Variants in DHX57 observed in about 807,000 individuals in gnomAD.
DHX57 encodes DExH-box helicase 57, also known as putative ATP-dependent RNA helicase DHX57.
In DHX57, 105 loss-of-function variants were observed where a neutral mutation model predicts 156.2. That is an observed-to-expected ratio of 0.67 (90% CI 0.57 to 0.79). The LOEUF (loss-of-function observed/expected upper bound fraction) is 0.79. Among genes scored for constraint, DHX57 ranks in the 30% least tolerant of loss-of-function variants. The pLI is 0.00. For synonymous variants in DHX57, 704 were observed against 595.6 expected, an observed-to-expected ratio of 1.18 and a Z score of -2.65; for missense variants, 1,847 against 1,661.9, an observed-to-expected ratio of 1.11 and a Z score of -1.94.
chr2:38,837,954 G>T lies in DHX57; in HGVS notation c.2426-7C>A. 6.4e-7 allele frequency: 1 copy of T among 1,559,324 alleles called. No homozygotes were observed. Among genetic ancestry groups the T allele is most frequent in the Non-Finnish European group, 8.8e-7 (1 of 1,130,768 alleles). On this transcript the variant is annotated splice_polypyrimidine_tract_variant and splice_region_variant and intron_variant, in intron 12 of 23. Coordinates refer to ENST00000457308, the MANE Select transcript of DHX57 (RefSeq NM_198963.3). ...ATGACTGACTTGCTAACCCCTGAAA[G>T]AAAGAAAGGTAAAAATGAGAAGGAT...
At chr2:38,827,557 T>TAC (rs1212965950) in intron 14 of DHX57, among the ~76,000 whole-genome samples, 32 of 121,410 alleles carry the variant, frequency 2.6e-4, no homozygotes, top group African/African-American at 9.6e-4. Flanking sequence ...TATATACACA[T>TAC]ACACACACAC....
At chr2:38,837,124 C>T (rs1239946102) in intron 13 of DHX57, among the ~76,000 whole-genome samples, 2 of 152,236 alleles carry the variant, frequency 1.3e-5, no homozygotes, top group African/African-American at 4.8e-5. Flanking sequence ...GCTGGGATTA[C>T]AAGTGTGAGC....
intron 7 of DHX57, among the ~76,000 whole-genome samples, chr2:38,856,044 A>C (rs1239339387): frequency 6.6e-6 from 1 of 152,054 alleles, no homozygotes; most frequent in Non-Finnish European, 1.5e-5. Context: ...CCAGGAGGCA[A>C]AGGTTGCAGT....
At position 38,825,598 on chromosome 2, in the gene DHX57, C is replaced by T. The variant is rs111312552; in HGVS notation, c.3014+249G>A. Among the ~76,000 whole-genome samples the T allele has an allele frequency of 1.3e-3, 202 of 152,238 alleles. 3 individuals are homozygous for T. Among genetic ancestry groups the T allele is most frequent in the African/African-American group, 4.3e-3 (177 of 41,568 alleles). On this transcript the variant is annotated intron_variant, in intron 16 of 23. Transcript: ENST00000457308. ...GATTATAAGCATGAGCCTCCATGCC[C>T]GGCCCTACATATGTACTCTTAAGCT...
intron 6 of DHX57, among the ~76,000 whole-genome samples, chr2:38,857,416 A>G (rs2124921116): frequency 6.6e-6 from 1 of 152,350 alleles, no homozygotes; most frequent in African/African-American, 2.4e-5. Context: ...TGAATACTGT[A>G]ATAAATTTAC....
intron 13 of DHX57, among the ~76,000 whole-genome samples, chr2:38,828,639 C>G (rs975955957): frequency 2.6e-5 from 4 of 151,822 alleles, no homozygotes; most frequent in Admixed American, 2.6e-4. Context: ...AGGAGGGTTG[C>G]TTGAGCCAGG....
chr2:38,849,717 C>T (rs1203866486), intron 9 of DHX57, among the ~76,000 whole-genome samples: 1 of 152,162 alleles, frequency 6.6e-6, no homozygotes, highest in Non-Finnish European at 1.5e-5. Flanking sequence ...CACTGTTCTC[C>T]TTGCCGTCTT....
In DHX57 at chr2:38,843,180, C is replaced by T; in HGVS notation, c.2250G>A (p.Met750Ile). 1 of 1,614,090 alleles carries T rather than the reference C, an allele frequency of 6.2e-7. No homozygotes were observed. Among genetic ancestry groups the T allele is most frequent in the Non-Finnish European group, 8.5e-7 (1 of 1,180,004 alleles). ...RYVLQDGSPY[M>I]RSMKQISKEK... is the part of the protein sequence containing the mutation. ...CCTTTGAAATCTGTTTCATGGACCG[C>T]ATATATGGGCTCCCATCCTGTAATA... The change falls in exon 12 of 24, where the codon ATG (methionine) becomes ATA (isoleucine). Residue 750 changes from methionine to isoleucine, a missense_variant. Transcript: ENST00000457308.
At chr2:38,807,337 A>G (rs1201686999) in intron 21 of DHX57, among the ~76,000 whole-genome samples, 1 of 151,872 alleles carries the variant, frequency 6.6e-6, no homozygotes, top group African/African-American at 2.4e-5. Flanking sequence ...TACAGGCGTG[A>G]GCCACTACAA....
At chr2:38,867,872 C>T (rs2124946099) in intron 2 of DHX57, among the ~76,000 whole-genome samples, 1 of 152,278 alleles carries the variant, frequency 6.6e-6, no homozygotes, top group African/African-American at 2.4e-5. Flanking sequence ...TCAATGTTAA[C>T]ATCATCATTT....
chr2:38,838,766 G>C (rs528076432), intron 12 of DHX57: 1 of 455,924 alleles, frequency 2.2e-6, no homozygotes, highest in African/African-American at 2.0e-5. Flanking sequence ...ATAAGTGGTT[G>C]ATCTTCCCTG....
intron 23 of DHX57, among the ~76,000 whole-genome samples, chr2:38,801,410 C>CTGTT (rs72092095): frequency 2.4e-4 from 36 of 149,232 alleles, no homozygotes; most frequent in Middle Eastern, 3.5e-3. Flanking sequence ...ATCTATCTAT[C>CTGTT]TATTTATTTA....
intron 23 of DHX57, among the ~76,000 whole-genome samples, chr2:38,800,893 G>A (rs987937087): frequency 2.6e-5 from 4 of 152,150 alleles, no homozygotes; most frequent in African/African-American, 9.7e-5. Context: ...ACTGAGATGT[G>A]CTGCGAATAT....
intron 19 of DHX57, chr2:38,815,979 G>C (rs1413661655): frequency 7.5e-6 from 3 of 399,828 alleles, no homozygotes; most frequent in Non-Finnish European, 1.5e-5. Context: ...GAAATTCTTA[G>C]GACAGCAAAA....
At position 38,861,801 on chromosome 2, in the gene DHX57, C is replaced by T; in HGVS notation, c.609G>A (p.Leu203=). Residue 203 remains leucine, a synonymous_variant, in exon 5 of 24, where the codon CTG becomes CTA. Transcript: ENST00000457308. ...GFNTERCQAV[L]RMCDGDVGAS... ...CTCCCACATCTCCATCACACATCCT[C>T]AGGACCGCTTGACAGCGTTCAGTAT... 3.1e-6 allele frequency: 5 copies of T among 1,612,800 alleles called. No individual in the cohort carries two copies. The highest frequency in any genetic ancestry group is 3.4e-6 in the Non-Finnish European group (4 of 1,179,350).
intron 10 of DHX57, 66 bp downstream of exon 10, chr2:38,848,203 T>G (rs577089215): frequency 1.4e-6 from 2 of 1,452,762 alleles, no homozygotes; most frequent in East Asian, 4.7e-5. Flanking sequence ...TACTTATGTC[T>G]CAAACTTTAA....
chr2:38,845,800 T>C (rs927220547), intron 11 of DHX57, among the ~76,000 whole-genome samples: 1 of 152,150 alleles, frequency 6.6e-6, no homozygotes. Flanking sequence ...TACAGATATC[T>C]TAACACTCAG....
chr2:38,832,549 ATATT>A (rs1264598589), intron 13 of DHX57, among the ~76,000 whole-genome samples: 2,149 of 21,834 alleles, frequency 0.098, 54 homozygotes, highest in African/African-American at 0.16. Flanking sequence ...ATATATATAT[ATATT>A]TTTTTTTTTA....
intron 1 of DHX57, among the ~76,000 whole-genome samples, chr2:38,869,796 G>A (rs1400485343): frequency 6.6e-6 from 1 of 152,176 alleles, no homozygotes; most frequent in Non-Finnish European, 1.5e-5. Flanking sequence ...CACAAGGCAT[G>A]CAAAGAAACA....
Sources: allele counts gnomAD v4.1 joint callset (sites outside exome capture counted in the v4.1 genomes callset), GRCh38; gene constraint gnomAD v4.1.1; transcripts MANE v1.5; gene names NCBI Gene and HGNC (gene_info 2026-07-23, HGNC 2026-07-21).